The following HPS1 variants were observed in gnomAD, a reference collection of about 807,000 sequenced individuals.
HPS1 encodes the protein BLOC-3 complex member HPS1.
In HPS1, 59 loss-of-function variants were observed where a neutral mutation model predicts 90.6. That is an observed-to-expected ratio of 0.65 (90% CI 0.53 to 0.81). The LOEUF (loss-of-function observed/expected upper bound fraction) is 0.81. Among genes scored for constraint, HPS1 ranks in the 30% least tolerant of loss-of-function variants. The pLI is 0.00. For missense variants in HPS1, 849 were observed against 896.7 expected (o/e 0.95, Z 0.68); for synonymous variants, 388 against 384.4 (o/e 1.01, Z -0.11).
chr10:98,432,570 GT>G (rs1846632840), intron 6 of HPS1, among the ~76,000 whole-genome samples: 1 of 152,044 alleles, frequency 6.6e-6, no homozygotes, highest in African/African-American at 2.4e-5. Context: ...CATCCCTTGA[GT>G]TTTTCATTTT....
rs200207830 is a variant in HPS1 at position 98,435,236 on chromosome 10, G to A, written c.398+36C>T. 32 of 1,613,382 alleles carry A rather than the reference G, an allele frequency of 2.0e-5. No homozygotes were observed. Among genetic ancestry groups the A allele is most frequent in the Middle Eastern group, 1.7e-4 (1 of 5,774 alleles). On this transcript the variant is annotated intron_variant, in intron 5 of 19. Coordinates refer to ENST00000361490, the MANE Select transcript of HPS1 (RefSeq NM_000195.5). The surrounding 1 kb of genome is among the most constrained non-coding windows in gnomAD (Gnocchi z 4.3). Reference sequence around the variant, plus strand: ...GCTGCCTGGCCCAGCGAGGGTGCTCGGCAAAGGACAGAGGGGACCAGCTTT... The same window carrying A: ...GCTGCCTGGCCCAGCGAGGGTGCTCAGCAAAGGACAGAGGGGACCAGCTTT...
chr10:98,417,552 G>A lies in HPS1; in HGVS notation c.*12C>T, dbSNP rs112544050. On this transcript the variant is annotated 3_prime_UTR_variant, in exon 20 of 20. Transcript: ENST00000361490. The surrounding 1 kb of genome is among the most constrained non-coding windows in gnomAD (Gnocchi z 4.2). ...AGGACAGGATGCAAAGGCAGACTGC[G>A]GCCACCTTGGCCTAGAGCAGGGGGA... The A allele has an allele frequency of 4.1e-3, 6,597 of 1,606,024 alleles. 21 individuals are homozygous for A. The highest frequency in any genetic ancestry group is 5.1e-3 in the Non-Finnish European group (5,976 of 1,176,448).
Position 98,443,019 on chromosome 10 carries a change from GC to G in HPS1, c.117+104del. ...CCCCACCCAGCACCCTGCTCATGCT[GC>G]CCAGGACAGGGTGAACACAGGTTTT... On this transcript the variant is annotated intron_variant, in intron 3 of 19. Transcript: ENST00000361490. 5 of 851,768 alleles carry G rather than the reference GC, an allele frequency of 5.9e-6. No individual in the cohort carries two copies. The South Asian group carries it at 6.6e-5, about 11-fold the overall frequency. 52.8% of individuals were successfully genotyped at this position (851,768 alleles called of 1,614,324 possible).
chr10:98,441,663 A>C (rs1938444472), intron 3 of HPS1, among the ~76,000 whole-genome samples: 1 of 152,256 alleles, frequency 6.6e-6, no homozygotes, highest in Non-Finnish European at 1.5e-5. Flanking sequence ...AAACTCAGTA[A>C]GAATAAGAAG....
In HPS1 at chr10:98,422,452, T is replaced by A. The variant is rs755761569; in HGVS notation, c.1660A>T (p.Met554Leu). 6.2e-7 allele frequency: 1 copy of A among 1,610,160 alleles called. No individual in the cohort carries two copies. Among genetic ancestry groups the A allele is most frequent in the South Asian group, 1.1e-5 (1 of 91,006 alleles). The change falls in exon 17 of 20, where the codon ATG becomes TTG. Residue 554 changes from methionine (M) to leucine (L), a missense_variant. Met to Leu is a conservative substitution (Grantham distance 15). Coordinates refer to ENST00000361490, the MANE Select transcript of HPS1 (RefSeq NM_000195.5). ...FIYVDRTTGQ[M>L]VAPSLNCSQK... ...CTGCAGTTGAGGGAAGGCGCCACCATCTGCCCAGTGGTGCGGTCCACATAG... is the reference window on the plus strand; with the variant it reads ...CTGCAGTTGAGGGAAGGCGCCACCAACTGCCCAGTGGTGCGGTCCACATAG...
At chr10:98,441,900 C>T (rs890353222) in intron 3 of HPS1, among the ~76,000 whole-genome samples, 2 of 152,142 alleles carry the variant, frequency 1.3e-5, no homozygotes, top group African/African-American at 4.8e-5. Flanking sequence ...AATTACACAA[C>T]CACTTTGGAA....
chr10:98,425,417 CG>C, intron 13 of HPS1, 123 bp downstream of exon 13: 1 of 902,422 alleles, frequency 1.1e-6, no homozygotes. Context: ...ATCGTAGGCC[CG>C]GGGGAGGTGG....
intron 8 of HPS1, among the ~76,000 whole-genome samples, chr10:98,430,246 C>T (rs932872841): frequency 1.1e-4 from 17 of 152,172 alleles, no homozygotes; most frequent in African/African-American, 4.1e-4. Context: ...GAAGTAGATG[C>T]TTTGTTATTC....
downstream of HPS1, among the ~76,000 whole-genome samples, chr10:98,415,563 C>G (rs1364356656): frequency 6.6e-6 from 1 of 152,240 alleles, no homozygotes; most frequent in Non-Finnish European, 1.5e-5. Context: ...TCAGTCAGAA[C>G]TGAAACGCCT....
At chr10:98,439,044 C>T (rs899499985) in intron 3 of HPS1, among the ~76,000 whole-genome samples, 5 of 152,176 alleles carry the variant, frequency 3.3e-5, no homozygotes, top group South Asian at 2.1e-4. Context: ...ATTGGGCCCA[C>T]GGGTGCACAT....
intron 7 of HPS1, 43 bp downstream of exon 7, chr10:98,431,088 G>A: frequency 6.2e-7 from 1 of 1,606,650 alleles, no homozygotes; most frequent in Non-Finnish European, 8.5e-7. Context: ...GAGTGAGAAG[G>A]CCAGGGAGCC....
At chr10:98,438,808 T>C (rs1034733564) in intron 3 of HPS1, among the ~76,000 whole-genome samples, 4 of 151,954 alleles carry the variant, frequency 2.6e-5, no homozygotes, top group Non-Finnish European at 4.4e-5. Flanking sequence ...ATGGGAAAAA[T>C]GTCTCCAGGG....
In HPS1 at chr10:98,434,082, G is replaced by T; in HGVS notation, c.408C>A (p.Pro136=). The part of the protein sequence containing the change: ...DGHLIRKELR[P]PDLAQRVQLW... ...GCTGGACACGCTGCGCCAGGTCTGG[G>T]GGCCGCAGCCTGGGGGCAGAGCCAG... Residue 136 remains proline, a synonymous_variant, in exon 6 of 20, where the codon CCC becomes CCA. Transcript: ENST00000361490. 6.5e-7 allele frequency: 1 copy of T among 1,549,894 alleles called. No individual in the cohort carries two copies. The highest frequency in any genetic ancestry group is 1.2e-5 in the South Asian group (1 of 84,034).
At chr10:98,419,289 C>G (rs925949328) in intron 18 of HPS1, among the ~76,000 whole-genome samples, 1 of 152,094 alleles carries the variant, frequency 6.6e-6, no homozygotes, top group African/African-American at 2.4e-5. Context: ...GAGGAACACT[C>G]CTGAGAGCTG....
chr10:98,427,073 C>A (rs1259082161), intron 11 of HPS1, 142 bp downstream of exon 11: 2 of 688,428 alleles, frequency 2.9e-6, no homozygotes, highest in Non-Finnish European at 5.1e-6. Flanking sequence ...AGGACAGGCA[C>A]CTGCACTGAC....
chr10:98,421,416 G>A (rs541469026), intron 17 of HPS1, among the ~76,000 whole-genome samples: 2 of 152,322 alleles, frequency 1.3e-5, no homozygotes, highest in South Asian at 4.1e-4. Flanking sequence ...AAACATCAGG[G>A]AAATGGTTCA....
Position 98,417,716 on chromosome 10 carries a change from G to C in HPS1, c.1951C>G (p.Arg651Gly), listed in dbSNP as rs375322422. Residue 651 changes from arginine (R) to glycine (G), a missense_variant, in exon 20 of 20, where the codon CGC becomes GGC. By Grantham distance (125) the Arg-to-Gly change is moderately radical (BLOSUM62 -2). Coordinates refer to ENST00000361490, the MANE Select transcript of HPS1 (RefSeq NM_000195.5). The surrounding 1 kb of genome is among the most constrained non-coding windows in gnomAD (Gnocchi z 4.2). ...LGGDYYRKLL[R>G]YYSKNRPTEA... ...GTTGGGCGGTTCTTGCTGTAGTAGC[G>C]CAGGAGCTTCCTGGGGAGGAAGGGG... The C allele has an allele frequency of 6.8e-6, 11 of 1,613,758 alleles. No individual in the cohort carries two copies. Among genetic ancestry groups the C allele is most frequent in the East Asian group, 2.2e-5 (1 of 44,862 alleles).
intron 17 of HPS1, among the ~76,000 whole-genome samples, chr10:98,421,955 G>C (rs942366926): frequency 5.2e-5 from 7 of 134,764 alleles, no homozygotes; most frequent in African/African-American, 2.0e-4. Context: ...CCAAAACAAA[G>C]AAAGAAAAGA....
chr10:98,421,936 C>T (rs1011469912), intron 17 of HPS1, among the ~76,000 whole-genome samples: 12 of 150,340 alleles, frequency 8.0e-5, no homozygotes, highest in African/African-American at 2.0e-4. Context: ...ACTTTACTTG[C>T]CTCCCCCACC....
Sources: allele counts gnomAD v4.1 joint callset (sites outside exome capture counted in the v4.1 genomes callset), GRCh38; gene constraint gnomAD v4.1.1; non-coding constraint Gnocchi (gnomAD v3.1); transcripts MANE v1.5; gene names NCBI Gene and HGNC (gene_info 2026-07-23, HGNC 2026-07-21).